The following SHC3 variants were observed in gnomAD, a reference collection of about 807,000 sequenced individuals.
SHC3 encodes SHC adaptor protein 3.
Under a neutral mutation model 60.4 loss-of-function variants are expected in SHC3, and 15 were observed. The ratio of observed to expected loss-of-function variants is 0.25; its 90% CI spans 0.17 to 0.38. The LOEUF is 0.38. SHC3 is among the 10% of genes least tolerant of loss of function. The pLI, the probability that SHC3 is intolerant of heterozygous loss-of-function variation, is 1.00. For synonymous variants in SHC3, 294 were observed against 325.9 expected, an observed-to-expected ratio of 0.90 and a Z score of 1.05; for missense variants, 677 against 786.1, an observed-to-expected ratio of 0.86 and a Z score of 1.66.
chr9:89,142,088 A>G (rs1324936705), intron 1 of SHC3, among the ~76,000 whole-genome samples: 1 of 152,200 alleles, frequency 6.6e-6, no homozygotes, highest in Non-Finnish European at 1.5e-5. Context: ...CAAAGAATGT[A>G]AGGCAGATTA....
intron 1 of SHC3, among the ~76,000 whole-genome samples, chr9:89,171,800 C>T (rs1038159656): frequency 6.6e-6 from 1 of 152,208 alleles, no homozygotes; most frequent in African/African-American, 2.4e-5. Context: ...ACTGCAGATC[C>T]TCACAGGCAC....
At position 89,056,398 on chromosome 9, in the gene SHC3, C is replaced by G. The variant is rs926778212; in HGVS notation, c.836-4235G>C. ...AGTAGGTGGGATTACGGGCACCCAC[C>G]ACCACACACAGCTAATTTTTAGTAG... is the stretch of plus-strand genomic sequence containing the variant. On this transcript the variant is annotated intron_variant, in intron 6 of 11. Transcript: ENST00000375835. Among the ~76,000 whole-genome samples the G allele has an allele frequency of 2.6e-5, 4 of 152,142 alleles. No homozygotes were observed. The South Asian group carries it at 6.2e-4, about 24-fold the overall frequency.
chr9:89,046,405 C>G (rs1824776221), intron 8 of SHC3, among the ~76,000 whole-genome samples: 1 of 152,092 alleles, frequency 6.6e-6, no homozygotes, highest in Admixed American at 6.5e-5. Flanking sequence ...AATTGCCTTA[C>G]TAGAATTTTG....
intron 2 of SHC3, among the ~76,000 whole-genome samples, chr9:89,100,240 T>C (rs1382845605): frequency 6.6e-6 from 1 of 152,192 alleles, no homozygotes; most frequent in Non-Finnish European, 1.5e-5. Flanking sequence ...CAGGCAGCAG[T>C]CATGAGGTAG....
At chr9:89,138,673 T>G (rs1414225681) in intron 1 of SHC3, among the ~76,000 whole-genome samples, 1 of 152,192 alleles carries the variant, frequency 6.6e-6, no homozygotes, top group Non-Finnish European at 1.5e-5. Context: ...CAGCCCCTAT[T>G]CAAGATGGAG....
chr9:89,048,907 G>T (rs1018884274), intron 7 of SHC3, among the ~76,000 whole-genome samples: 1 of 152,162 alleles, frequency 6.6e-6, no homozygotes, highest in Non-Finnish European at 1.5e-5. Context: ...GGTGAGGGGG[G>T]TGTCAGGTCA....
At chr9:89,130,679 G>T (rs1826231564) in intron 1 of SHC3, among the ~76,000 whole-genome samples, 1 of 152,162 alleles carries the variant, frequency 6.6e-6, no homozygotes, top group Non-Finnish European at 1.5e-5. Context: ...GGTACATAAT[G>T]AAATGAAGGC....
chr9:89,052,224 T>C, intron 6 of SHC3, 61 bp from the exon 7 acceptor site: 1 of 1,595,634 alleles, frequency 6.3e-7, no homozygotes, highest in East Asian at 2.3e-5. Flanking sequence ...TGGGCTCCTC[T>C]ACAAAGAGCC....
intron 11 of SHC3, among the ~76,000 whole-genome samples, chr9:89,025,218 G>GCA (rs1826272669): frequency 9.9e-5 from 15 of 151,116 alleles, no homozygotes; most frequent in Admixed American, 9.2e-4. Flanking sequence ...ACACACGTAC[G>GCA]CACACACACA....
chr9:89,132,847 G>A (rs1298227495), intron 1 of SHC3, among the ~76,000 whole-genome samples: 2 of 152,152 alleles, frequency 1.3e-5, no homozygotes, highest in African/African-American at 4.8e-5. Context: ...ACATAGGCAT[G>A]GGCAAGGACT....
intron 1 of SHC3, among the ~76,000 whole-genome samples, chr9:89,173,533 T>C (rs1826899772): frequency 6.6e-6 from 1 of 152,244 alleles, no homozygotes; most frequent in Admixed American, 6.5e-5. Context: ...ATAAAAGAAA[T>C]GACTGAGATA....
intron 2 of SHC3, among the ~76,000 whole-genome samples, chr9:89,095,257 A>C (rs1314931546): frequency 6.6e-6 from 1 of 152,280 alleles, no homozygotes; most frequent in East Asian, 1.9e-4. Flanking sequence ...AATGTGGTCC[A>C]TGCAGACAAT....
chr9:89,042,029 T>A lies in SHC3; in HGVS notation c.1357A>T (p.Met453Leu). The A allele has an allele frequency of 1.2e-6, 2 of 1,613,820 alleles. No individual in the cohort carries two copies. Among genetic ancestry groups the A allele is most frequent in the African/African-American group, 1.3e-5 (1 of 75,002 alleles). ...ESSPRKDLFD[M>L]KPFEDALKNQ... is the part of the protein sequence containing the mutation. ...CCAGAGACAAACAGAAACCCACTCATGTCAAAGAGGTCTTTCCTTGGGCTG... is the reference window on the plus strand; with the variant it reads ...CCAGAGACAAACAGAAACCCACTCAAGTCAAAGAGGTCTTTCCTTGGGCTG... Residue 453 changes from methionine (M) to leucine (L), a missense_variant, in exon 10 of 12, where the codon ATG becomes TTG. Met to Leu is a conservative substitution (Grantham distance 15). Coordinates refer to ENST00000375835, the MANE Select transcript of SHC3 (RefSeq NM_016848.6).
chr9:89,066,198 G>T (rs1264635073), intron 5 of SHC3, among the ~76,000 whole-genome samples: 2 of 152,084 alleles, frequency 1.3e-5, no homozygotes, highest in Admixed American at 6.5e-5. Flanking sequence ...TAGTAGTTCT[G>T]GGGTAAGGGC....
chr9:89,096,215 A>G (rs1418512226), intron 2 of SHC3, among the ~76,000 whole-genome samples: 1 of 152,186 alleles, frequency 6.6e-6, no homozygotes, highest in Non-Finnish European at 1.5e-5. Context: ...TTTGCCTTCT[A>G]CTAAGTAGGC....
intron 1 of SHC3, among the ~76,000 whole-genome samples, chr9:89,153,747 A>G (rs1321986780): frequency 6.6e-6 from 1 of 152,242 alleles, no homozygotes; most frequent in Non-Finnish European, 1.5e-5. Context: ...TGGAGTCACT[A>G]TCATGTGATA....
chr9:89,097,192 T>C (rs915785358), intron 2 of SHC3, among the ~76,000 whole-genome samples: 1 of 151,514 alleles, frequency 6.6e-6, no homozygotes, highest in African/African-American at 2.4e-5. Flanking sequence ...TCCAACAAAG[T>C]ACATCTCTCT....
At chr9:89,146,077 G>A (rs1394099533) in intron 1 of SHC3, among the ~76,000 whole-genome samples, 1 of 152,120 alleles carries the variant, frequency 6.6e-6, no homozygotes, top group African/African-American at 2.4e-5. Context: ...AGGATGAGGG[G>A]AAAGTAGTGA....
chr9:89,109,753 C>A, intron 2 of SHC3: 1 of 985,566 alleles, frequency 1.0e-6, no homozygotes, highest in Admixed American at 6.1e-5. Context: ...CTGCTCCCTT[C>A]TTCATCTCAC....
Sources: gnomAD v4.1 joint callset for allele counts (sites outside exome capture counted in the v4.1 genomes callset) on GRCh38, gnomAD v4.1.1 for gene constraint, MANE v1.5 for transcripts, NCBI Gene and HGNC (gene_info 2026-07-23, HGNC 2026-07-21) for gene names.